The following PTPRT variants were observed in gnomAD, a reference collection of about 807,000 sequenced individuals.
The protein encoded by PTPRT is receptor-type tyrosine-protein phosphatase T.
In PTPRT, 56 loss-of-function variants were observed where a neutral mutation model predicts 176.8. The ratio of observed to expected loss-of-function variants is 0.32; its 90% CI spans 0.26 to 0.40. PTPRT has a LOEUF of 0.40. Among genes scored for constraint, PTPRT ranks in the 10% least tolerant of loss-of-function variants. The pLI is 1.00. For missense variants in PTPRT, 1,540 were observed against 1,908.2 expected (o/e 0.81, Z 3.60); for synonymous variants, 783 against 739.0 (o/e 1.06, Z -0.96).
intron 1 of PTPRT, among the ~76,000 whole-genome samples, chr20:42,934,415 A>C (rs1264562644): frequency 6.6e-6 from 1 of 152,236 alleles, no homozygotes; most frequent in Admixed American, 6.5e-5. Flanking sequence ...AGTTTAAAAC[A>C]GTATACATTT....
rs371763987 is a variant in PTPRT, at chr20:42,520,366, T to C, written c.1154-47804A>G. Among the ~76,000 whole-genome samples, 206 of 152,240 alleles carry C rather than the reference T, an allele frequency of 1.4e-3. 6 individuals carry two copies. In the South Asian group the frequency reaches 0.041, roughly 31 times the overall value. ...TCATGGAATCCCCGTCCCAGTAACA[T>C]ACCCTTTTCGGCCCCTCAAAGTAAC... On this transcript the variant is annotated intron_variant, in intron 7 of 30. Transcript: ENST00000373187.
At chr20:42,152,301 C>T (rs1480440567) in intron 17 of PTPRT, among the ~76,000 whole-genome samples, 1 of 152,230 alleles carries the variant, frequency 6.6e-6, no homozygotes, top group East Asian at 1.9e-4. Context: ...TAAATGTGGA[C>T]AGAGAAGGCA....
chr20:42,913,858 A>G (rs1978556087), intron 1 of PTPRT, among the ~76,000 whole-genome samples: 1 of 152,200 alleles, frequency 6.6e-6, no homozygotes, highest in Non-Finnish European at 1.5e-5. Flanking sequence ...GCTAATTTTA[A>G]ACCAGAATGA....
chr20:42,049,647 C>T, the PTPRT span, among the ~76,000 whole-genome samples: 1 of 152,194 alleles, frequency 6.6e-6, no homozygotes, highest in African/African-American at 2.4e-5. Flanking sequence ...GGGGAGCTTA[C>T]TGAAAATGCT....
intron 1 of PTPRT, among the ~76,000 whole-genome samples, chr20:43,006,147 G>C (rs540887885): frequency 6.6e-6 from 1 of 152,016 alleles, no homozygotes; most frequent in Non-Finnish European, 1.5e-5. Flanking sequence ...TTTCCACCTC[G>C]ACATATTTTT....
chr20:42,266,225 G>C (rs904617912), intron 13 of PTPRT, among the ~76,000 whole-genome samples: 1 of 152,180 alleles, frequency 6.6e-6, no homozygotes, highest in Non-Finnish European at 1.5e-5. Flanking sequence ...TTTAAGGAAT[G>C]GAGTTTGGGC....
chr20:42,851,150 T>G (rs2078462720), intron 2 of PTPRT, among the ~76,000 whole-genome samples: 1 of 152,226 alleles, frequency 6.6e-6, no homozygotes. Flanking sequence ...TTGAACATTT[T>G]GTTCTTGTCT....
intron 16 of PTPRT, among the ~76,000 whole-genome samples, chr20:42,187,358 T>G (rs987958993): frequency 1.3e-5 from 2 of 152,164 alleles, no homozygotes; most frequent in Non-Finnish European, 2.9e-5. Context: ...GGCAGTTCTT[T>G]CCACCTAGTT....
intron 17 of PTPRT, among the ~76,000 whole-genome samples, chr20:42,146,024 C>T (rs1050302838): frequency 3.3e-5 from 5 of 152,170 alleles, no homozygotes; most frequent in Admixed American, 2.6e-4. Context: ...TCTCTTCTTG[C>T]TCCTCATTCT....
chr20:42,109,921 G>C (rs1018229924), intron 23 of PTPRT, among the ~76,000 whole-genome samples: 1 of 152,156 alleles, frequency 6.6e-6, no homozygotes, highest in Admixed American at 6.5e-5. Flanking sequence ...AGTATCATCA[G>C]AAAGCACTGG....
chr20:43,127,437 A>G, intron 1 of PTPRT, among the ~76,000 whole-genome samples: 1 of 151,922 alleles, frequency 6.6e-6, no homozygotes, highest in East Asian at 1.9e-4. Flanking sequence ...AAAAAAAAAA[A>G]AATAGCTAAT....
intron 7 of PTPRT, among the ~76,000 whole-genome samples, chr20:42,650,556 A>G (rs566097745): frequency 1.3e-5 from 2 of 152,298 alleles, no homozygotes; most frequent in Non-Finnish European, 2.9e-5. Flanking sequence ...ATTCATTTCA[A>G]TCATCACCTT....
intron 1 of PTPRT, among the ~76,000 whole-genome samples, chr20:43,163,678 GA>G (rs1354614047): frequency 1.3e-5 from 2 of 152,154 alleles, no homozygotes; most frequent in East Asian, 3.9e-4. Context: ...GCTGTATGTG[GA>G]AGGCTGTGGC....
At chr20:42,603,465 T>C (rs933971344) in intron 7 of PTPRT, among the ~76,000 whole-genome samples, 15 of 152,176 alleles carry the variant, frequency 9.9e-5, no homozygotes, top group Non-Finnish European at 1.9e-4. Flanking sequence ...ATAAGGCCAG[T>C]ACGGCTGGAG....
chr20:42,345,467 AT>A, intron 11 of PTPRT, among the ~76,000 whole-genome samples: 1 of 149,022 alleles, frequency 6.7e-6, no homozygotes, highest in African/African-American at 2.4e-5. Flanking sequence ...ACATATATAT[AT>A]AAAACTAGTT....
chr20:43,006,742 C>A (rs1339095707), intron 1 of PTPRT, among the ~76,000 whole-genome samples: 1 of 152,202 alleles, frequency 6.6e-6, no homozygotes, highest in African/African-American at 2.4e-5. Flanking sequence ...ATTGGTCCTA[C>A]AGGTCACCGA....
At chr20:42,304,925 C>A (rs73257084) in intron 12 of PTPRT, among the ~76,000 whole-genome samples, 2,631 of 152,300 alleles carry the variant, frequency 0.017, 77 homozygotes, top group African/African-American at 0.061. Context: ...AACCTGCCAC[C>A]TGCTCTTTTT....
At chr20:42,226,922 C>T (rs986513838) in intron 15 of PTPRT, among the ~76,000 whole-genome samples, 7 of 152,006 alleles carry the variant, frequency 4.6e-5, no homozygotes, top group Admixed American at 4.6e-4. Context: ...TGAATGATCG[C>T]CCAAGGAAAA....
At position 42,104,726 on chromosome 20, in the gene PTPRT, G is replaced by A. The variant is rs749173348; in HGVS notation, c.3391-8C>T. ...CACAAACACATATTGCTCCTGCAAA[G>A]TCAGAAGAGAGGGAATGGGGTGCCA... On this transcript the variant is annotated splice_region_variant and splice_polypyrimidine_tract_variant and intron_variant, in intron 24 of 30. Transcript: ENST00000373187. 7.7e-6 allele frequency: 12 copies of A among 1,566,700 alleles called. No individual in the cohort carries two copies. The South Asian group carries it at 1.1e-4, about 14-fold the overall frequency.
Sources: allele counts gnomAD v4.1 joint callset (sites outside exome capture counted in the v4.1 genomes callset), GRCh38; gene constraint gnomAD v4.1.1; transcripts MANE v1.5; gene names NCBI Gene and HGNC (gene_info 2026-07-23, HGNC 2026-07-21).